Variants in WDR81 observed in about 807,000 individuals in gnomAD.
The protein encoded by WDR81 is WD repeat domain 81.
A neutral mutation model predicts 140.8 loss-of-function variants in WDR81; 92 were observed. That is an observed-to-expected ratio of 0.65 (90% CI 0.55 to 0.78). The LOEUF (loss-of-function observed/expected upper bound fraction) is 0.78, where lower values mean the gene tolerates loss of function less well. Among genes scored for constraint, WDR81 ranks in the 30% least tolerant of loss-of-function variants. WDR81 has a pLI of 0.00. For missense variants in WDR81, 2,502 were observed against 2,636.4 expected (o/e 0.95, Z 1.12); for synonymous variants, 1,183 against 1,156.4 (o/e 1.02, Z -0.47).
At position 1,732,763 on chromosome 17, in the gene WDR81, A is replaced by G. The variant is rs762404594; in HGVS notation, c.4421A>G (p.Asp1474Gly). ...QQRPVDPALLDELQKVFTLEM... is the reference protein window; with the variant it reads ...QQRPVDPALLGELQKVFTLEM... The stretch of plus-strand genomic sequence containing the variant: ...CGGCCCGTGGACCCCGCCCTGCTGG[A>G]CGAGCTGCAGAAGGTGTTCACCCTG... The change falls in exon 6 of 10, where the codon GAC becomes GGC. Residue 1474 changes from aspartate to glycine, a missense_variant. This residue lies in a region of WDR81 where 1,737 missense variants were observed against 1,843.0 expected (regional missense o/e 0.94). Coordinates refer to ENST00000409644, the MANE Select transcript of WDR81 (RefSeq NM_001163809.2). 1 of 1,613,092 alleles carries G rather than the reference A, an allele frequency of 6.2e-7. No individual in the cohort carries two copies. Among genetic ancestry groups the G allele is most frequent in the South Asian group, 1.1e-5 (1 of 91,070 alleles).
intron 4 of WDR81, 86 bp from the exon 5 acceptor site, chr17:1,732,239 T>A: frequency 6.5e-7 from 1 of 1,531,170 alleles, no homozygotes; most frequent in Non-Finnish European, 8.8e-7. Context: ...TCCATCTCAA[T>A]AAAAATAAAA....
At chr17:1,729,264 G>C (rs1915519592) in intron 1 of WDR81, among the ~76,000 whole-genome samples, 1 of 152,090 alleles carries the variant, frequency 6.6e-6, no homozygotes, top group Admixed American at 6.5e-5. Context: ...AGGATCACTT[G>C]AGGTTAGGAG....
intron 2 of WDR81, 53 bp downstream of exon 2, chr17:1,730,540 G>A: frequency 5.1e-6 from 8 of 1,561,392 alleles, no homozygotes; most frequent in Non-Finnish European, 7.0e-6. Context: ...CAGGCCCTCT[G>A]CCTAGCTTCA....
chr17:1,724,824 G>T lies in WDR81; in HGVS notation c.-136G>T. On this transcript the variant is annotated 5_prime_UTR_variant, in exon 1 of 10. Coordinates refer to ENST00000409644, the MANE Select transcript of WDR81 (RefSeq NM_001163809.2). ...CCCGTCCGCCTCTTCGCCGCCGCCG[G>T]CTTCCTGCGGCCGCCTCCGCCCCAG... is the stretch of plus-strand genomic sequence containing the variant. 2 of 1,207,250 alleles carry T rather than the reference G, an allele frequency of 1.7e-6. No individual in the cohort carries two copies. Among genetic ancestry groups the T allele is most frequent in the Non-Finnish European group, 2.1e-6 (2 of 972,136 alleles). The allele number at this position is 1,207,250 out of a possible 1,614,324, so 74.8% of individuals were successfully genotyped here.
Position 1,735,837 on chromosome 17 carries a change from T to C in WDR81, c.5325+120T>C, listed in dbSNP as rs1326599934. 3 of 1,422,136 alleles carry C rather than the reference T, an allele frequency of 2.1e-6. No individual in the cohort carries two copies. Among genetic ancestry groups the C allele is most frequent in the Non-Finnish European group, 2.8e-6 (3 of 1,061,746 alleles). The allele number at this position is 1,422,136 out of a possible 1,614,324, so 88.1% of individuals were successfully genotyped here. A position where few individuals can be genotyped will look rare whatever the true frequency, so the allele number is the denominator to read the frequency against. ...TCTGGGGCCCTAGTTAGTTTCTCTT[T>C]GGTGCTAGATCACCCACAGCCACAC... On this transcript the variant is annotated intron_variant, in intron 8 of 9. Coordinates refer to ENST00000409644, the MANE Select transcript of WDR81 (RefSeq NM_001163809.2). This position sits in a 1 kb window ranked among gnomAD's most constrained non-coding sequence, Gnocchi z 4.2.
At chr17:1,716,898 G>C in intron 1 of WDR81, 1 of 563,968 alleles carries the variant, frequency 1.8e-6, no homozygotes, top group Non-Finnish European at 3.1e-6. Context: ...TGCTCGCCTC[G>C]CCCAGCCCAC....
rs182689260 is a variant in WDR81, at chr17:1,717,435, C to G, written c.-124+802C>G. Reference sequence around the variant, plus strand: ...CAAATAGGGGCTGAGGGTAACTAAGCAGGAATGATGAGGCTGGAGGGTGAG... The same window carrying G: ...CAAATAGGGGCTGAGGGTAACTAAGGAGGAATGATGAGGCTGGAGGGTGAG... On this transcript the variant is annotated intron_variant, in intron 1 of 10. Transcript: ENST00000309182. 2.8e-3 allele frequency among the ~76,000 whole-genome samples: 422 copies of G among 152,278 alleles called. 2 individuals are homozygous for G. Among genetic ancestry groups the G allele is most frequent in the African/African-American group, 9.8e-3 (407 of 41,562 alleles).
rs763761108 is a variant in WDR81 at position 1,733,942 on chromosome 17, C to T, written c.4905C>T (p.His1635=). Residue 1635 remains histidine, a synonymous_variant, in exon 7 of 10, where the codon CAC becomes CAT. Transcript: ENST00000409644. ...TGAGCCAGCAGGATGCCCACTTTCA[C>T]TTCCACCAGATCCGCCTGCAGAGCT... ...IGVSQQDAHF[H]FHQIRLQSFP... The T allele has an allele frequency of 6.2e-7, 1 of 1,612,856 alleles. No individual in the cohort carries two copies. Among genetic ancestry groups the T allele is most frequent in the Non-Finnish European group, 8.5e-7 (1 of 1,179,968 alleles).
chr17:1,727,613 T>G lies in WDR81; in HGVS notation c.2654T>G (p.Leu885Arg), dbSNP rs1915374451. The change falls in exon 1 of 10, where the codon CTC (leucine) becomes CGC (arginine). Residue 885 changes from leucine (L) to arginine (R), a missense_variant. Physicochemically the swap from Leu to Arg is moderately radical, Grantham distance 102. Around this residue, in one of 3 missense-constraint regions of WDR81, gnomAD observed 1,737 missense variants for 1,843.0 expected, o/e 0.94. Coordinates refer to ENST00000409644, the MANE Select transcript of WDR81 (RefSeq NM_001163809.2). ...PYFPALHRFILLYQARRVEDE... is the reference protein window; with the variant it reads ...PYFPALHRFIRLYQARRVEDE... ...TTCCCGGCACTGCACAGATTCATCC[T>G]CCTGTACCAGGCAAGGCGTGTGGAG... is the stretch of plus-strand genomic sequence containing the variant. The G allele has an allele frequency of 6.4e-7, 1 of 1,550,506 alleles. No individual in the cohort carries two copies. The highest frequency in any genetic ancestry group is 2.4e-5 in the East Asian group (1 of 40,916).
rs1293453061 is a variant in WDR81, at chr17:1,727,019, C to T, written c.2060C>T (p.Pro687Leu). The change falls in exon 1 of 10, where the codon CCT (proline) becomes CTT (leucine). Residue 687 changes from proline (P) to leucine (L), a missense_variant. By Grantham distance (98) the Pro-to-Leu change is moderately conservative (BLOSUM62 -3). Coordinates refer to ENST00000409644, the MANE Select transcript of WDR81 (RefSeq NM_001163809.2). The part of the protein sequence containing the change: ...DQLGSSSQAS[P>L]GLLSFSVASA... ...CTGGGCTCCTCCAGTCAAGCGTCCC[C>T]TGGACTTCTCTCTTTCTCAGTGGCC... is the stretch of plus-strand genomic sequence containing the variant. The T allele has an allele frequency of 6.5e-7, 1 of 1,550,384 alleles. No homozygotes were observed. Among genetic ancestry groups the T allele is most frequent in the Admixed American group, 2.0e-5 (1 of 51,014 alleles).
At position 1,725,585 on chromosome 17, in the gene WDR81, C is replaced by A. The variant is rs200343855; in HGVS notation, c.626C>A (p.Pro209His). 233 of 1,545,108 alleles carry A rather than the reference C, an allele frequency of 1.5e-4. 1 individual carries two copies. The highest frequency in any genetic ancestry group is 3.9e-5 in the Admixed American group (2 of 50,988). ...TATGCCAGAGAAGGCCCCTGCCCCC[C>A]TCGGGGCAGCCCTGCTTGCCCTAGT... ...PSYAREGPCP[P>H]RGSPACPSLL... is the part of the protein sequence containing the mutation. Residue 209 changes from proline to histidine, a missense_variant, in exon 1 of 10, where the codon CCT (proline) becomes CAT (histidine). This residue lies in a region of WDR81 where 547 missense variants were observed against 513.8 expected (regional missense o/e 1.06). Transcript: ENST00000409644.
At chr17:1,734,896 G>A (rs968891185) in intron 7 of WDR81, among the ~76,000 whole-genome samples, 2 of 152,222 alleles carry the variant, frequency 1.3e-5, no homozygotes, top group African/African-American at 4.8e-5. Context: ...TGGTTAAAAG[G>A]GGGAAAGGGA....
rs7221974 is a variant in WDR81, at chr17:1,727,290, A to C, written c.2331A>C (p.Leu777=). 1 of 1,549,970 alleles carries C rather than the reference A, an allele frequency of 6.5e-7. No individual in the cohort carries two copies. The highest frequency in any genetic ancestry group is 2.0e-5 in the Admixed American group (1 of 50,996). Residue 777 remains leucine (L), a synonymous_variant, in exon 1 of 10, where the codon CTA becomes CTC. Coordinates refer to ENST00000409644, the MANE Select transcript of WDR81 (RefSeq NM_001163809.2). ...GGGACATGCAGGCGCTGGGTGTCCT[A>C]TTGGCAGAGATGGTGTTTGCCACCA... ...LHRDMQALGV[L]LAEMVFATRV... is the part of the protein sequence containing the mutation.
Position 1,724,741 on chromosome 17 carries a change from G to T in WDR81, c.-219G>T. The T allele has an allele frequency of 1.8e-6, 2 of 1,116,782 alleles. No individual in the cohort carries two copies. The highest frequency in any genetic ancestry group is 2.2e-6 in the Non-Finnish European group (2 of 915,410). 69.2% of individuals were successfully genotyped at this position (1,116,782 alleles called of 1,614,324 possible). ...ACGGTGGAGCCCGGTGCTCGCGCCCGGCAGCCTCTGCCCCGCCGCGCCCGG... is the reference window on the plus strand; with the variant it reads ...ACGGTGGAGCCCGGTGCTCGCGCCCTGCAGCCTCTGCCCCGCCGCGCCCGG... On this transcript the variant is annotated 5_prime_UTR_variant, in exon 1 of 10. Coordinates refer to ENST00000409644, the MANE Select transcript of WDR81 (RefSeq NM_001163809.2).
chr17:1,716,539 G>A lies in WDR81; in HGVS notation c.-218G>A, dbSNP rs370681266. 3 of 1,550,234 alleles carry A rather than the reference G, an allele frequency of 1.9e-6. No homozygotes were observed. In the South Asian group the frequency reaches 3.6e-5, roughly 18 times the overall value. ...CGCTACGTCAAACGAGAGTCCTAAA[G>A]AGCAGGCGAAAGCCACGGCGTCTGC... On this transcript the variant is annotated 5_prime_UTR_variant, in exon 1 of 11. Transcript: ENST00000309182.
Position 1,734,345 on chromosome 17 carries a change from A to C in WDR81, c.5179+129A>C. Reference sequence around the variant, plus strand: ...GAGACCCAGCGAGGCCGCCTAGGAGAACAGTTAGGGCTTCGAATCTGTTAG... The same window carrying C: ...GAGACCCAGCGAGGCCGCCTAGGAGCACAGTTAGGGCTTCGAATCTGTTAG... On this transcript the variant is annotated intron_variant, in intron 7 of 9. Coordinates refer to ENST00000409644, the MANE Select transcript of WDR81 (RefSeq NM_001163809.2). The C allele has an allele frequency of 1.3e-5, 14 of 1,116,906 alleles. 1 individual carries two copies. The highest frequency in any genetic ancestry group is 3.0e-4 in the Middle Eastern group (1 of 3,280). 69.2% of individuals were successfully genotyped at this position (1,116,906 alleles called of 1,614,324 possible). A position where few individuals can be genotyped will look rare whatever the true frequency, so the allele number is the denominator to read the frequency against.
upstream of WDR81, among the ~76,000 whole-genome samples, chr17:1,722,123 T>TA (rs1026544182): frequency 2.7e-4 from 40 of 147,406 alleles, no homozygotes; most frequent in South Asian, 4.1e-3. Context: ...AACTCTGTCT[T>TA]AAAAAAAAAA....
At chr17:1,737,237 G>A in intron 9 of WDR81, 128 bp from the exon 10 acceptor site, 1 of 847,776 alleles carries the variant, frequency 1.2e-6, no homozygotes, top group Non-Finnish European at 1.8e-6. Flanking sequence ...GAGGGTGGCG[G>A]CTTGTCACCC....
Position 1,726,285 on chromosome 17 carries a change from A to C in WDR81, c.1326A>C (p.Ser442=), listed in dbSNP as rs1247798124. ...GEPPHVPHHI[S]DVLSDITYYV... ...CCCCTCATGTTCCCCACCACATCTCAGACGTGCTCTCCGACATCACGTACT... is the reference window on the plus strand; with the variant it reads ...CCCCTCATGTTCCCCACCACATCTCCGACGTGCTCTCCGACATCACGTACT... The change falls in exon 1 of 10, where the codon TCA becomes TCC. Residue 442 remains serine, a synonymous_variant. Transcript: ENST00000409644. 9 of 1,541,544 alleles carry C rather than the reference A, an allele frequency of 5.8e-6. No homozygotes were observed. The highest frequency in any genetic ancestry group is 7.9e-6 in the Non-Finnish European group (9 of 1,141,656).
Sources: gnomAD v4.1 joint callset for allele counts (sites outside exome capture counted in the v4.1 genomes callset) on GRCh38, gnomAD v4.1.1 for gene constraint, gnomAD v4.1.1 regional missense constraint, Gnocchi (gnomAD v3.1) non-coding constraint, MANE v1.5 for transcripts, NCBI Gene and HGNC (gene_info 2026-07-23, HGNC 2026-07-21) for gene names.